Variants in ESPNL observed in about 807,000 individuals in gnomAD.
ESPNL encodes the protein espin like.
In ESPNL, 49 loss-of-function variants were observed where a neutral mutation model predicts 46.8. The ratio of observed to expected loss-of-function variants is 1.05; its 90% CI spans 0.83 to 1.33. The LOEUF is 1.33. Ranked by LOEUF, ESPNL falls within the 40% of genes most tolerant of loss-of-function variation. The pLI is 0.00. For synonymous variants in ESPNL, 664 were observed against 662.1 expected (o/e 1.00, Z -0.04); for missense variants, 1,540 against 1,436.6 (o/e 1.07, Z -1.16).
intron 5 of ESPNL, among the ~76,000 whole-genome samples, chr2:238,123,990 A>G (rs1692043466): frequency 6.6e-6 from 1 of 152,110 alleles, no homozygotes; most frequent in Admixed American, 6.5e-5. Context: ...GAGGCCAGAG[A>G]TTTGCTCAGG....
chr2:238,130,804 G>C lies in ESPNL; in HGVS notation c.2090G>C (p.Gly697Ala), dbSNP rs1304281152. The C allele has an allele frequency of 3.9e-6, 6 of 1,544,270 alleles. No individual in the cohort carries two copies. The highest frequency in any genetic ancestry group is 2.6e-6 in the Non-Finnish European group (3 of 1,148,834). Residue 697 changes from glycine (G) to alanine (A), a missense_variant, in exon 9 of 9, where the codon GGC (glycine) becomes GCC (alanine). Physicochemically the swap from Gly to Ala is moderately conservative, Grantham distance 60. Coordinates refer to ENST00000343063, the MANE Select transcript of ESPNL (RefSeq NM_194312.4). The stretch of plus-strand genomic sequence containing the variant: ...CCAGCCCTGCCTAAGCCCCGCAGTG[G>C]CCTGGCTTCAGGGGAGCCCAGGCCT... ...CWPALPKPRS[G>A]LASGEPRPGD... is the part of the protein sequence containing the mutation.
chr2:238,113,160 T>C (rs1420855165), intron 4 of ESPNL, among the ~76,000 whole-genome samples: 1 of 152,244 alleles, frequency 6.6e-6, no homozygotes, highest in Non-Finnish European at 1.5e-5. Flanking sequence ...TTATCTGATA[T>C]ATGTATACAC....
intron 4 of ESPNL, among the ~76,000 whole-genome samples, chr2:238,112,535 C>A (rs1484868227): frequency 6.6e-6 from 1 of 152,098 alleles, no homozygotes; most frequent in African/African-American, 2.4e-5. Flanking sequence ...TTAATTTCTG[C>A]ATTTATCTTT....
chr2:238,104,621 A>G lies in ESPNL; in HGVS notation c.486-35A>G, dbSNP rs759009212. On this transcript the variant is annotated intron_variant, in intron 2 of 8. Coordinates refer to ENST00000343063, the MANE Select transcript of ESPNL (RefSeq NM_194312.4). ...CCGAGGGATGGGCTCAGCCATAGGC[A>G]GGGACTGGGCCTCCAAACCCTCCCT... The G allele has an allele frequency of 3.3e-6, 5 of 1,525,376 alleles. No individual in the cohort carries two copies. In the Admixed American group the frequency reaches 9.6e-5, roughly 29 times the overall value. 94.5% of individuals were successfully genotyped at this position (1,525,376 alleles called of 1,614,324 possible).
intron 4 of ESPNL, among the ~76,000 whole-genome samples, chr2:238,113,897 A>G (rs1365177386): frequency 2.0e-5 from 3 of 152,184 alleles, no homozygotes; most frequent in Non-Finnish European, 4.4e-5. Flanking sequence ...GGGCAAGAGC[A>G]GTTCTGAGTG....
rs2106480829 is a variant in ESPNL, at chr2:238,130,605, G to A, written c.1891G>A (p.Glu631Lys). The change falls in exon 9 of 9, where the codon GAG becomes AAG. Residue 631 changes from glutamate to lysine, a missense_variant. Glu to Lys is a moderately conservative substitution (Grantham distance 56). Transcript: ENST00000343063. ...CCGGCCCCTGCAGGACACCTGCAGGGAGGCCTCGGCCAGCCCCCCTCGGAG... is the reference window on the plus strand; with the variant it reads ...CCGGCCCCTGCAGGACACCTGCAGGAAGGCCTCGGCCAGCCCCCCTCGGAG... Reference protein sequence around the residue: ...STRPLQDTCREASASPPRSEA... With the variant: ...STRPLQDTCRKASASPPRSEA... 6.4e-7 allele frequency: 1 copy of A among 1,566,480 alleles called. No homozygotes were observed. Among genetic ancestry groups the A allele is most frequent in the Non-Finnish European group, 8.7e-7 (1 of 1,155,744 alleles).
chr2:238,112,693 G>C (rs1228529486), intron 4 of ESPNL, among the ~76,000 whole-genome samples: 1 of 152,026 alleles, frequency 6.6e-6, no homozygotes, highest in Non-Finnish European at 1.5e-5. Context: ...TAATTGTTCA[G>C]TTAAAAAATA....
At chr2:238,109,246 ATCT>A (rs909968560) in intron 4 of ESPNL, among the ~76,000 whole-genome samples, 2 of 152,306 alleles carry the variant, frequency 1.3e-5, no homozygotes, top group African/African-American at 4.8e-5. Context: ...AAGCAGCAAA[ATCT>A]TCTTTCAAAT....
At chr2:238,116,753 C>T (rs1249744488) in intron 4 of ESPNL, 150 bp from the exon 5 acceptor site, 1 of 1,039,736 alleles carries the variant, frequency 9.6e-7, no homozygotes, top group Non-Finnish European at 1.4e-6. Flanking sequence ...GTCTCTGGCA[C>T]CCCACGGCCC....
chr2:238,131,536 G>A lies in ESPNL; in HGVS notation c.2822G>A (p.Arg941His), dbSNP rs143407493. 60 of 1,610,980 alleles carry A rather than the reference G, an allele frequency of 3.7e-5. No homozygotes were observed. The African/African-American group carries it at 6.3e-4, about 17-fold the overall frequency. The change falls in exon 9 of 9, where the codon CGC (arginine) becomes CAC (histidine). Residue 941 changes from arginine to histidine, a missense_variant. Coordinates refer to ENST00000343063, the MANE Select transcript of ESPNL (RefSeq NM_194312.4). ...CCCGCCTGGGATACGGAGCCTGGCC[G>A]CAAGTCAGGTCTGACCCTGCTCGGG... ...QRPAWDTEPG[R>H]KSGLTLLGPL...
At chr2:238,115,136 G>C (rs1288332682) in intron 4 of ESPNL, among the ~76,000 whole-genome samples, 2 of 152,184 alleles carry the variant, frequency 1.3e-5, no homozygotes, top group Admixed American at 6.5e-5. Flanking sequence ...TTCTGGCACT[G>C]GTCTTTCGGA....
At chr2:238,126,381 T>G (rs1209560964) in intron 6 of ESPNL, among the ~76,000 whole-genome samples, 2 of 114,404 alleles carry the variant, frequency 1.7e-5, no homozygotes, top group Non-Finnish European at 4.2e-5. Flanking sequence ...TCTTTGTGAT[T>G]GTGTGTCTCT....
At chr2:238,129,451 G>T (rs569747025) in intron 8 of ESPNL, among the ~76,000 whole-genome samples, 4 of 152,186 alleles carry the variant, frequency 2.6e-5, no homozygotes, top group Non-Finnish European at 4.4e-5. Flanking sequence ...CTGGCCGGGG[G>T]AGGAGCAGGA....
chr2:238,109,453 C>T (rs1233520338), intron 4 of ESPNL, among the ~76,000 whole-genome samples: 9 of 152,200 alleles, frequency 5.9e-5, no homozygotes, highest in Non-Finnish European at 1.5e-5. Context: ...TAGGCTCAAG[C>T]AATCCTCCTG....
chr2:238,128,691 A>AC lies in ESPNL; in HGVS notation c.1216-11dup. The AC allele has an allele frequency of 1.3e-6, 2 of 1,584,292 alleles. No individual in the cohort carries two copies. The highest frequency in any genetic ancestry group is 2.3e-5 in the South Asian group (2 of 86,772). On this transcript the variant is annotated splice_polypyrimidine_tract_variant and intron_variant, in intron 7 of 8. Transcript: ENST00000343063. ...GGTCCCCTTCGGGCCTGTGTGACCC[A>AC]CCCCCTTCTGCACAGGGGACAGAGA...
chr2:238,131,992 C>G lies in ESPNL; in HGVS notation c.*260C>G, dbSNP rs371511008. On this transcript the variant is annotated 3_prime_UTR_variant, in exon 9 of 9. Transcript: ENST00000343063. ...GGCAATGGGCCACCCCAGTCCAGGG[C>G]ACCTCTGCCCAGCCGGCCCCCGAGA... is the stretch of plus-strand genomic sequence containing the variant. The G allele has an allele frequency of 9.2e-5, 36 of 392,042 alleles. No individual in the cohort carries two copies. The highest frequency in any genetic ancestry group is 4.6e-4 in the East Asian group (11 of 24,062). The allele number at this position is 392,042 out of a possible 1,614,324, so 24.3% of individuals were successfully genotyped here.
At chr2:238,116,144 A>C (rs1272847103) in intron 4 of ESPNL, among the ~76,000 whole-genome samples, 5 of 152,222 alleles carry the variant, frequency 3.3e-5, no homozygotes, top group African/African-American at 1.2e-4. Context: ...GAGACACAGA[A>C]ATGTTTACAG....
chr2:238,131,919 C>A lies in ESPNL; in HGVS notation c.*187C>A. ...TCTCCTCCGAGCTGGGACTCAGACT[C>A]CTTCTCACCACTGCACCCAGGAAGC... is the stretch of plus-strand genomic sequence containing the variant. On this transcript the variant is annotated 3_prime_UTR_variant, in exon 9 of 9. Coordinates refer to ENST00000343063, the MANE Select transcript of ESPNL (RefSeq NM_194312.4). The A allele has an allele frequency of 3.1e-6, 2 of 653,968 alleles. No individual in the cohort carries two copies. The highest frequency in any genetic ancestry group is 5.1e-6 in the Non-Finnish European group (2 of 393,804). 40.5% of individuals were successfully genotyped at this position (653,968 alleles called of 1,614,324 possible). A position where few individuals can be genotyped will look rare whatever the true frequency, so the allele number is the denominator to read the frequency against.
chr2:238,128,672 C>T (rs1211071837), intron 7 of ESPNL, 35 bp from the exon 8 acceptor site: 4 of 1,559,882 alleles, frequency 2.6e-6, no homozygotes, highest in Non-Finnish European at 3.5e-6. Context: ...CCTGGGTCCC[C>T]TTCGGGCCTG....
Sources: allele counts gnomAD v4.1 joint callset (sites outside exome capture counted in the v4.1 genomes callset), GRCh38; gene constraint gnomAD v4.1.1; transcripts MANE v1.5; gene names NCBI Gene and HGNC (gene_info 2026-07-23, HGNC 2026-07-21).